WWOX: variants seen among roughly 807,000 people sequenced by gnomAD.
The protein encoded by WWOX is WW domain containing oxidoreductase.
Under a neutral mutation model 46.2 loss-of-function variants are expected in WWOX, and 69 were observed. That is an observed-to-expected ratio of 1.49 (90% CI 1.23 to 1.82). WWOX has a LOEUF of 1.82. WWOX is among the 40% of genes most tolerant of loss of function. The pLI is 0.00. For missense variants in WWOX, 919 were observed against 542.6 expected, an observed-to-expected ratio of 1.69 and a Z score of -6.89; for synonymous variants, 359 against 202.6, an observed-to-expected ratio of 1.77 and a Z score of -6.56.
chr16:78,474,145 T>A (rs143560607), intron 8 of WWOX, among the ~76,000 whole-genome samples: 2 of 152,250 alleles, frequency 1.3e-5, no homozygotes, highest in African/African-American at 4.8e-5. Flanking sequence ...CGTTTATGGA[T>A]TGAAATGGTT....
intron 8 of WWOX, among the ~76,000 whole-genome samples, chr16:78,902,778 A>G (rs2044862562): frequency 6.6e-6 from 1 of 152,174 alleles, no homozygotes; most frequent in Admixed American, 6.5e-5. Context: ...ATGAAAGTAA[A>G]TCTGTTGTGC....
chr16:78,366,958 A>G (rs2081547994), intron 5 of WWOX, among the ~76,000 whole-genome samples: 1 of 143,118 alleles, frequency 7.0e-6, no homozygotes, highest in Non-Finnish European at 1.5e-5. Flanking sequence ...TTTTTGTATC[A>G]CAAAAGTTAC....
chr16:78,594,540 T>G (rs1323790428), intron 8 of WWOX, among the ~76,000 whole-genome samples: 1 of 145,936 alleles, frequency 6.9e-6, no homozygotes, highest in Non-Finnish European at 1.5e-5. Context: ...ATGAAAAGTC[T>G]CAATCACCTG....
intron 8 of WWOX, among the ~76,000 whole-genome samples, chr16:78,839,442 C>T (rs1210946899): frequency 5.9e-5 from 9 of 152,142 alleles, no homozygotes; most frequent in South Asian, 2.1e-4. Context: ...CAACAAGATC[C>T]CCTTTCTAGG....
At chr16:78,180,220 G>T (rs573500359) in intron 5 of WWOX, among the ~76,000 whole-genome samples, 2 of 152,114 alleles carry the variant, frequency 1.3e-5, no homozygotes, top group Non-Finnish European at 2.9e-5. Flanking sequence ...AACTTGCCTG[G>T]TCATTCTGGA....
chr16:78,814,709 G>T (rs577932579), intron 8 of WWOX, among the ~76,000 whole-genome samples: 1 of 152,256 alleles, frequency 6.6e-6, no homozygotes, highest in Admixed American at 6.5e-5. Flanking sequence ...AGGTATTTTG[G>T]GGGAAAAAGT....
intron 8 of WWOX, among the ~76,000 whole-genome samples, chr16:79,207,105 G>T (rs567371004): frequency 2.0e-5 from 3 of 152,210 alleles, no homozygotes; most frequent in Admixed American, 6.5e-5. Context: ...AAGACAGGGC[G>T]TGTAGACGGC....
intron 8 of WWOX, among the ~76,000 whole-genome samples, chr16:78,761,862 T>A (rs919741507): frequency 1.3e-5 from 2 of 152,160 alleles, no homozygotes; most frequent in Non-Finnish European, 2.9e-5. Context: ...TAAAACTAAC[T>A]AGTTCATTAG....
chr16:78,414,774 T>G (rs1194524706), intron 6 of WWOX, among the ~76,000 whole-genome samples: 6 of 152,160 alleles, frequency 3.9e-5, no homozygotes, highest in Non-Finnish European at 8.8e-5. Context: ...ACAGTTTAGT[T>G]TTGGGGGAAA....
chr16:78,301,373 T>G (rs1280570246), intron 5 of WWOX, among the ~76,000 whole-genome samples: 2 of 152,356 alleles, frequency 1.3e-5, no homozygotes, highest in South Asian at 2.1e-4. Context: ...CTGGATACTG[T>G]GTATACTACT....
chr16:78,543,810 C>T (rs1211836725), intron 8 of WWOX, among the ~76,000 whole-genome samples: 1 of 152,254 alleles, frequency 6.6e-6, no homozygotes, highest in African/African-American at 2.4e-5. Context: ...CCATAAATTG[C>T]ATCTCCCGCA....
intron 8 of WWOX, among the ~76,000 whole-genome samples, chr16:78,835,344 A>G (rs978800584): frequency 3.9e-5 from 6 of 152,238 alleles, no homozygotes; most frequent in Non-Finnish European, 7.3e-5. Flanking sequence ...CTAGTAGTAA[A>G]TAGAGGCTTT....
chr16:78,378,513 A>G (rs1405816869), intron 5 of WWOX, among the ~76,000 whole-genome samples: 1 of 152,196 alleles, frequency 6.6e-6, no homozygotes, highest in African/African-American at 2.4e-5. Context: ...TAGAGGAATT[A>G]GTGTTATGAA....
chr16:78,528,000 T>TG (rs2043520953), intron 8 of WWOX, among the ~76,000 whole-genome samples: 1 of 78,750 alleles, frequency 1.3e-5, no homozygotes, highest in African/African-American at 4.4e-5. Context: ...CCTTTTTTTT[T>TG]TTTTTTTTTT....
intron 8 of WWOX, among the ~76,000 whole-genome samples, chr16:78,563,949 G>C (rs2044501894): frequency 6.6e-6 from 1 of 152,218 alleles, no homozygotes; most frequent in Non-Finnish European, 1.5e-5. Flanking sequence ...ACAAGCAAAG[G>C]CTTGAAACGT....
rs544704469 is a variant in WWOX, at chr16:78,888,092, T to C, written c.1057-323516T>C. The stretch of plus-strand genomic sequence containing the variant: ...GAATATTTTATTTCTTAATGAATCA[T>C]CTTTGTGAAATCAACTTTCTTGTTG... On this transcript the variant is annotated intron_variant, in intron 8 of 8. Transcript: ENST00000566780. Among the ~76,000 whole-genome samples, 8 of 152,356 alleles carry C rather than the reference T, an allele frequency of 5.3e-5. No individual in the cohort carries two copies. In the South Asian group the frequency reaches 1.0e-3, roughly 20 times the overall value.
rs149419796 is a variant in WWOX, at chr16:78,955,325, G to A, written c.1057-256283G>A. ...CACAGCTGCACATACAACAACGTCA[G>A]TGAAATCCGTTGAGAGGAGCATTGA... On this transcript the variant is annotated intron_variant, in intron 8 of 8. Coordinates refer to ENST00000566780, the MANE Select transcript of WWOX (RefSeq NM_016373.4). Among the ~76,000 whole-genome samples, 281 of 152,302 alleles carry A rather than the reference G, an allele frequency of 1.8e-3. 1 individual carries two copies. Among genetic ancestry groups the A allele is most frequent in the African/African-American group, 6.3e-3 (261 of 41,580 alleles).
At chr16:79,080,348 C>T (rs2048737169) in intron 8 of WWOX, among the ~76,000 whole-genome samples, 1 of 152,278 alleles carries the variant, frequency 6.6e-6, no homozygotes, top group African/African-American at 2.4e-5. Context: ...ATTTGTATTC[C>T]TCTGTGCACG....
chr16:78,428,593 G>T (rs905024929), intron 7 of WWOX, among the ~76,000 whole-genome samples: 1 of 152,164 alleles, frequency 6.6e-6, no homozygotes, highest in Non-Finnish European at 1.5e-5. Flanking sequence ...CTTGTTTCTA[G>T]ATTAGGGATC....
Sources: allele counts gnomAD v4.1 joint callset (sites outside exome capture counted in the v4.1 genomes callset), GRCh38; gene constraint gnomAD v4.1.1; transcripts MANE v1.5; gene names NCBI Gene and HGNC (gene_info 2026-07-23, HGNC 2026-07-21).